Variants in TTLL5 observed in about 807,000 individuals in gnomAD.
The protein encoded by TTLL5 is tubulin polyglutamylase TTLL5.
TTLL5 carries 132 observed loss-of-function variants against 168.4 expected under a neutral mutation model. That is an observed-to-expected ratio of 0.78 (90% confidence interval 0.68 to 0.91). The LOEUF (loss-of-function observed/expected upper bound fraction) is 0.91. Ranked by LOEUF, TTLL5 falls within the 40% of genes least tolerant of loss-of-function variation. The probability of loss-of-function intolerance (pLI) is 0.00; values close to 1 mark genes in which losing one functional copy is unlikely to be tolerated. For synonymous variants in TTLL5, 546 were observed against 558.6 expected (o/e 0.98, Z 0.32); for missense variants, 1,545 against 1,581.5 (o/e 0.98, Z 0.39).
intron 6 of TTLL5, among the ~76,000 whole-genome samples, chr14:75,695,182 C>T (rs1281295115): frequency 1.3e-5 from 2 of 152,154 alleles, no homozygotes; most frequent in Non-Finnish European, 2.9e-5. Context: ...AGGGGAAGGT[C>T]CCTAAAATGG....
At chr14:75,890,613 A>G (rs1183542067) in intron 30 of TTLL5, among the ~76,000 whole-genome samples, 1 of 152,214 alleles carries the variant, frequency 6.6e-6, no homozygotes, top group African/African-American at 2.4e-5. Context: ...GAAATTTTCA[A>G]ACTGCCTAAA....
At chr14:75,914,033 A>AAAAAAATATATATATATATATATATAT in intron 31 of TTLL5, among the ~76,000 whole-genome samples, 2 of 71,100 alleles carry the variant, frequency 2.8e-5, no homozygotes, top group African/African-American at 3.1e-4. Flanking sequence ...AAAAAAAAAA[A>AAAAAAATATATATATATATATATATAT]ATATATATAT....
intron 17 of TTLL5, among the ~76,000 whole-genome samples, chr14:75,746,477 T>C (rs1051047807): frequency 2.0e-5 from 3 of 152,162 alleles, no homozygotes; most frequent in Non-Finnish European, 4.4e-5. Context: ...TTATTGTCTT[T>C]GTTCTTCTAT....
chr14:75,672,270 G>A (rs1258489404), intron 3 of TTLL5, among the ~76,000 whole-genome samples: 3 of 151,404 alleles, frequency 2.0e-5, no homozygotes, highest in Non-Finnish European at 4.4e-5. Context: ...TTTTTGCGAC[G>A]GAGTCTCGCT....
At chr14:75,703,144 G>T (rs1408252966) in intron 7 of TTLL5, among the ~76,000 whole-genome samples, 1 of 152,210 alleles carries the variant, frequency 6.6e-6, no homozygotes, top group Non-Finnish European at 1.5e-5. Context: ...AGGGTGAGGA[G>T]AGGGAATGCT....
At chr14:75,674,493 T>A (rs1010573308) in intron 3 of TTLL5, among the ~76,000 whole-genome samples, 5 of 152,242 alleles carry the variant, frequency 3.3e-5, no homozygotes, top group Admixed American at 6.5e-5. Flanking sequence ...CTTTATGACA[T>A]GTTTCATTGA....
At chr14:75,837,063 G>T (rs1381552186) in intron 28 of TTLL5, 1 of 152,178 alleles carries the variant, frequency 6.6e-6, no homozygotes, top group Non-Finnish European at 1.5e-5. Context: ...GAATTGAGGA[G>T]CAGCTTAGCT....
At chr14:75,776,897 A>G (rs765603119) in intron 23 of TTLL5, 47 bp downstream of exon 23, 8 of 1,443,320 alleles carry the variant, frequency 5.5e-6, no homozygotes, top group African/African-American at 4.2e-5. Flanking sequence ...TCCATCTTCC[A>G]TAATGCTCAT....
chr14:75,931,059 T>C (rs1167285438), intron 31 of TTLL5, among the ~76,000 whole-genome samples: 6 of 152,160 alleles, frequency 3.9e-5, no homozygotes, highest in Non-Finnish European at 7.4e-5. Flanking sequence ...CTGACCTCCA[T>C]CTAGGACAAT....
At chr14:75,827,707 C>CTTTTTT (rs561078439) in intron 28 of TTLL5, among the ~76,000 whole-genome samples, 1,114 of 53,236 alleles carry the variant, frequency 0.021, 161 homozygotes, top group East Asian at 0.11. Flanking sequence ...TGGCTTGGTT[C>CTTTTTT]TTTTTTTTTT....
At chr14:75,807,774 C>A (rs998646975) in intron 27 of TTLL5, among the ~76,000 whole-genome samples, 5 of 152,298 alleles carry the variant, frequency 3.3e-5, no homozygotes, top group East Asian at 1.9e-4. Flanking sequence ...ACGAAAGTGA[C>A]CGAACTTCAC....
intron 30 of TTLL5, among the ~76,000 whole-genome samples, chr14:75,898,106 A>G (rs962172589): frequency 2.0e-5 from 3 of 152,186 alleles, no homozygotes; most frequent in Non-Finnish European, 4.4e-5. Flanking sequence ...ACTTCTTTAT[A>G]TTCTGGTGTA....
At chr14:75,938,954 C>T (rs527974716) in intron 31 of TTLL5, among the ~76,000 whole-genome samples, 3 of 152,292 alleles carry the variant, frequency 2.0e-5, no homozygotes, top group African/African-American at 4.8e-5. Context: ...CGTGACCTAG[C>T]AGTGGGTCAT....
intron 27 of TTLL5, among the ~76,000 whole-genome samples, chr14:75,802,126 G>A (rs1251815557): frequency 2.6e-5 from 4 of 151,854 alleles, no homozygotes; most frequent in East Asian, 1.9e-4. Flanking sequence ...TTAAAAATAA[G>A]ATTTATTCTG....
intron 30 of TTLL5, among the ~76,000 whole-genome samples, chr14:75,895,609 T>A (rs184084272): frequency 0.012 from 1,882 of 152,182 alleles, 15 homozygotes; most frequent in South Asian, 0.025. Context: ...TAATGAAAAT[T>A]ATAAAATATT....
intron 31 of TTLL5, among the ~76,000 whole-genome samples, chr14:75,940,854 A>G (rs1451420970): frequency 2.0e-5 from 3 of 152,228 alleles, no homozygotes; most frequent in Admixed American, 1.3e-4. Flanking sequence ...GGTTTGTGAG[A>G]CTTAAGTATA....
intron 28 of TTLL5, among the ~76,000 whole-genome samples, chr14:75,842,507 G>T (rs560296873): frequency 6.6e-6 from 1 of 152,256 alleles, no homozygotes; most frequent in Non-Finnish European, 1.5e-5. Flanking sequence ...CCTCCACGCT[G>T]CTTAGGTCTT....
At chr14:75,880,265 T>C (rs538461923) in intron 29 of TTLL5, among the ~76,000 whole-genome samples, 1 of 152,316 alleles carries the variant, frequency 6.6e-6, no homozygotes, top group Admixed American at 6.5e-5. Context: ...TTTTCACTCA[T>C]TATTTCATTT....
At chr14:75,673,035 C>T (rs779854388) in intron 3 of TTLL5, among the ~76,000 whole-genome samples, 2 of 151,830 alleles carry the variant, frequency 1.3e-5, no homozygotes, top group Admixed American at 1.3e-4. Flanking sequence ...GACTTCTGGG[C>T]TCAAGTGATC....
Sources: gnomAD v4.1 joint callset for allele counts (sites outside exome capture counted in the v4.1 genomes callset) on GRCh38, gnomAD v4.1.1 for gene constraint, MANE v1.5 for transcripts, NCBI Gene and HGNC (gene_info 2026-07-23, HGNC 2026-07-21) for gene names.